The following NCOA5 variants were observed in gnomAD, a reference collection of about 807,000 sequenced individuals.
NCOA5 encodes NCoA-5.
In NCOA5, 12 loss-of-function variants were observed where a neutral mutation model predicts 59.0. The ratio of observed to expected loss-of-function variants is 0.20; its 90% confidence interval spans 0.13 to 0.33. NCOA5 has a LOEUF of 0.33. Among genes scored for constraint, NCOA5 ranks in the 10% least tolerant of loss-of-function variants. The probability of loss-of-function intolerance (pLI) is 1.00; values close to 1 mark genes in which losing one functional copy is unlikely to be tolerated. For synonymous variants in NCOA5, 270 were observed against 275.5 expected (o/e 0.98, Z 0.20); for missense variants, 655 against 766.6 (o/e 0.85, Z 1.72).
intron 3 of NCOA5, 110 bp downstream of exon 3, chr20:46,070,100 A>G: frequency 1.2e-6 from 1 of 836,560 alleles, no homozygotes; most frequent in Non-Finnish European, 1.8e-6. Flanking sequence ...GACAGTCACC[A>G]GAAATAAAAG....
intron 2 of NCOA5, among the ~76,000 whole-genome samples, chr20:46,073,761 GTGTTA>G (rs1218091463): frequency 3.9e-5 from 6 of 152,164 alleles, no homozygotes; most frequent in African/African-American, 1.2e-4. Context: ...AGTATTATAA[GTGTTA>G]TGTTATGATT....
At position 46,065,001 on chromosome 20, in the gene NCOA5, G is replaced by A. The variant is rs1188687369; in HGVS notation, c.829+28C>T. On this transcript the variant is annotated intron_variant, in intron 6 of 7. Coordinates refer to ENST00000290231, the MANE Select transcript of NCOA5 (RefSeq NM_020967.3). ...CATAAAGGACTAATAATGGACTAGT[G>A]ACTACCTCCGGTATTCTGACTCTGT... is the stretch of plus-strand genomic sequence containing the variant. 6 of 1,611,680 alleles carry A rather than the reference G, an allele frequency of 3.7e-6. No homozygotes were observed. The South Asian group carries it at 4.4e-5, about 12-fold the overall frequency.
chr20:46,085,831 T>G (rs1217801248), intron 1 of NCOA5, among the ~76,000 whole-genome samples: 4 of 152,156 alleles, frequency 2.6e-5, no homozygotes, highest in African/African-American at 4.8e-5. Flanking sequence ...AGAGTCTCAA[T>G]GAAGCCAAAT....
intron 7 of NCOA5, 131 bp from the exon 8 acceptor site, chr20:46,063,020 C>T: frequency 1.3e-6 from 1 of 783,734 alleles, no homozygotes; most frequent in Non-Finnish European, 1.9e-6. Context: ...CATCAATTTC[C>T]CAAAGAGGCC....
chr20:46,068,584 C>T lies in NCOA5; in HGVS notation c.420G>A (p.Lys140=). The T allele has an allele frequency of 6.2e-7, 1 of 1,613,646 alleles. No homozygotes were observed. Among genetic ancestry groups the T allele is most frequent in the Non-Finnish European group, 8.5e-7 (1 of 1,179,780 alleles). Residue 140 remains lysine (K), a synonymous_variant, in exon 4 of 8, where the codon AAG becomes AAA. Transcript: ENST00000290231. ...YLRMDDYCRR[K]DDSYFDRYRD... ...TGTAACGGTCAAAATAAGAGTCATC[C>T]TTTCTCCTGCAATAGTCATCCATTC...
rs2084768252 is a variant in NCOA5, at chr20:46,061,900, C to G, written c.*400G>C. The G allele has an allele frequency of 6.1e-6, 1 of 163,970 alleles. No individual in the cohort carries two copies. The highest frequency in any genetic ancestry group is 1.3e-5 in the Non-Finnish European group (1 of 74,640). 10.2% of individuals were successfully genotyped at this position (163,970 alleles called of 1,614,324 possible). ...TGAGCTCTGGTCAATGTGTATGAAG[C>G]TGGAAAGCCTTGGTAGGTTCACAAT... On this transcript the variant is annotated 3_prime_UTR_variant, in exon 8 of 8. Coordinates refer to ENST00000290231, the MANE Select transcript of NCOA5 (RefSeq NM_020967.3).
chr20:46,089,350 C>T (rs140979459), intron 1 of NCOA5, among the ~76,000 whole-genome samples: 44 of 152,366 alleles, frequency 2.9e-4, no homozygotes, highest in Non-Finnish European at 1.5e-4. Flanking sequence ...CTCAGTACAC[C>T]GCTCGGCGCT....
intron 1 of NCOA5, among the ~76,000 whole-genome samples, chr20:46,079,964 CTT>C (rs771650064): frequency 2.0e-5 from 3 of 152,176 alleles, no homozygotes; most frequent in Non-Finnish European, 4.4e-5. Flanking sequence ...GTTAGTGTGT[CTT>C]GTGTTGAATT....
chr20:46,084,040 T>C (rs1174898825), intron 1 of NCOA5, among the ~76,000 whole-genome samples: 1 of 152,258 alleles, frequency 6.6e-6, no homozygotes, highest in Non-Finnish European at 1.5e-5. Context: ...TATTAGAATA[T>C]TATTCCTGGG....
rs2084775563 is a variant in NCOA5, at chr20:46,062,328, G to C, written c.1712C>G (p.Pro571Arg). The C allele has an allele frequency of 6.2e-7, 1 of 1,613,726 alleles. No individual in the cohort carries two copies. Among genetic ancestry groups the C allele is most frequent in the African/African-American group, 1.3e-5 (1 of 74,920 alleles). The change falls in exon 8 of 8, where the codon CCC becomes CGC. Residue 571 changes from proline (P) to arginine (R), a missense_variant. By Grantham distance (103) the Pro-to-Arg change is moderately radical. Around this residue, in one of 3 missense-constraint regions of NCOA5, gnomAD observed 325 missense variants for 353.2 expected, o/e 0.92. Transcript: ENST00000290231. ...GTAATGCCTCTGGTAAGATCCCATG[G>C]GGGCCTGTGGCTGCCCCATCTGTGC... ...TTAQMGQPQA[P>R]MGSYQRHY
chr20:46,069,753 T>C (rs571579674), intron 3 of NCOA5, among the ~76,000 whole-genome samples: 3 of 151,970 alleles, frequency 2.0e-5, no homozygotes, highest in South Asian at 2.1e-4. Context: ...AAAAAATCCA[T>C]TAATCTGCTG....
intron 3 of NCOA5, among the ~76,000 whole-genome samples, chr20:46,069,490 C>T (rs1200322366): frequency 6.6e-6 from 1 of 152,304 alleles, no homozygotes; most frequent in Non-Finnish European, 1.5e-5. Flanking sequence ...AATCTCAGCA[C>T]TTTGGGAAGC....
Position 46,063,424 on chromosome 20 carries a change from C to G in NCOA5, c.1086G>C (p.Lys362Asn). ...NRYLTAEETD[K>N]IINYLRERKE... ...TCCGCTCTCGCAGGTAGTTGATGATCTTGTCAGTCTCTTCAGCAGTGAGGT... is the reference window on the plus strand; with the variant it reads ...TCCGCTCTCGCAGGTAGTTGATGATGTTGTCAGTCTCTTCAGCAGTGAGGT... Residue 362 changes from lysine to asparagine, a missense_variant, in exon 7 of 8, where the codon AAG becomes AAC. Physicochemically the swap from Lys to Asn is moderately conservative, Grantham distance 94. Around this residue, in one of 3 missense-constraint regions of NCOA5, gnomAD observed 325 missense variants for 353.2 expected, o/e 0.92. Transcript: ENST00000290231. 5 of 1,614,204 alleles carry G rather than the reference C, an allele frequency of 3.1e-6. No homozygotes were observed. In the South Asian group the frequency reaches 5.5e-5, roughly 18 times the overall value.
chr20:46,087,847 C>T (rs774097423), intron 1 of NCOA5, among the ~76,000 whole-genome samples: 5 of 152,176 alleles, frequency 3.3e-5, no homozygotes, highest in Non-Finnish European at 7.3e-5. Context: ...GGACGCCGGG[C>T]TTAAATCAAA....
chr20:46,062,955 A>C, intron 7 of NCOA5, 66 bp from the exon 8 acceptor site: 1 of 1,350,402 alleles, frequency 7.4e-7, no homozygotes, highest in Non-Finnish European at 1.0e-6. Flanking sequence ...CCTAGCAGCC[A>C]AAGGAAGAAC....
chr20:46,087,106 T>A (rs1372804572), intron 1 of NCOA5, among the ~76,000 whole-genome samples: 1 of 152,234 alleles, frequency 6.6e-6, no homozygotes, highest in Non-Finnish European at 1.5e-5. Flanking sequence ...TCTCATAAGA[T>A]GACGGGCAGG....
At chr20:46,064,961 T>C (rs2084805716) in intron 6 of NCOA5, 68 bp downstream of exon 6, 49 of 1,544,278 alleles carry the variant, frequency 3.2e-5, no homozygotes, top group Non-Finnish European at 4.2e-5. Flanking sequence ...CAAAACCTGC[T>C]TCTTCTGAGT....
Position 46,061,643 on chromosome 20 carries a change from CAATGA to C in NCOA5, c.*652_*656del, listed in dbSNP as rs1442248403. ...GCTGTTCAGTCCATTGGAGATCTTC[CAATGA>C]AATGAAAACAAAAAAGAAAAGAGAA... On this transcript the variant is annotated 3_prime_UTR_variant, in exon 8 of 8. Coordinates refer to ENST00000290231, the MANE Select transcript of NCOA5 (RefSeq NM_020967.3). 6.6e-6 allele frequency: 1 copy of C among 152,150 alleles called. No homozygotes were observed. The highest frequency in any genetic ancestry group is 1.5e-5 in the Non-Finnish European group (1 of 67,990). The allele number at this position is 152,150 out of a possible 1,614,324, so 9.4% of individuals were successfully genotyped here. A position where few individuals can be genotyped will look rare whatever the true frequency, so the allele number is the denominator to read the frequency against.
chr20:46,071,535 C>T (rs1173865943), intron 2 of NCOA5, among the ~76,000 whole-genome samples: 2 of 152,226 alleles, frequency 1.3e-5, no homozygotes, highest in African/African-American at 4.8e-5. Context: ...AATCAACCTA[C>T]TTGCTTTCAA....
Sources: gnomAD v4.1 joint callset for allele counts (sites outside exome capture counted in the v4.1 genomes callset) on GRCh38, gnomAD v4.1.1 for gene constraint, gnomAD v4.1.1 regional missense constraint, MANE v1.5 for transcripts, NCBI Gene and HGNC (gene_info 2026-07-23, HGNC 2026-07-21) for gene names.